Variants in EIF2B3 observed in about 807,000 individuals in gnomAD.
EIF2B3 encodes the protein eukaryotic translation initiation factor 2B subunit gamma, also known as translation initiation factor eIF2B subunit gamma.
In EIF2B3, 20 loss-of-function variants were observed where a neutral mutation model predicts 54.1. That is an observed-to-expected ratio of 0.37 (90% CI 0.26 to 0.54). The LOEUF is 0.54. EIF2B3 is among the 20% of genes least tolerant of loss of function. The pLI is 0.86. For synonymous variants in EIF2B3, 153 were observed against 188.1 expected (o/e 0.81, Z 1.52); for missense variants, 448 against 547.8 (o/e 0.82, Z 1.82).
At chr1:44,970,710 C>A (rs560129381) in intron 3 of EIF2B3, among the ~76,000 whole-genome samples, 1 of 152,292 alleles carries the variant, frequency 6.6e-6, no homozygotes, top group African/African-American at 2.4e-5. Context: ...TTCCACTGCC[C>A]TTTCTACAAG....
intron 3 of EIF2B3, among the ~76,000 whole-genome samples, chr1:44,953,861 G>A (rs912673419): frequency 1.3e-5 from 2 of 152,162 alleles, no homozygotes; most frequent in African/African-American, 4.8e-5. Context: ...AAATGGAAAT[G>A]AGCATAATTC....
chr1:44,979,116 G>C (rs1160044611), intron 2 of EIF2B3, among the ~76,000 whole-genome samples: 1 of 150,960 alleles, frequency 6.6e-6, no homozygotes, highest in Admixed American at 6.6e-5. Flanking sequence ...GCAAAACCTT[G>C]TCTCTATAAA....
At chr1:44,930,680 G>A (rs997696270) in intron 4 of EIF2B3, among the ~76,000 whole-genome samples, 6 of 152,026 alleles carry the variant, frequency 3.9e-5, no homozygotes, top group South Asian at 2.1e-4. Flanking sequence ...TTGCTCTGTC[G>A]CCCAGGCTGG....
intron 3 of EIF2B3, among the ~76,000 whole-genome samples, chr1:44,970,496 C>T (rs1557710667): frequency 1.3e-5 from 2 of 152,082 alleles, no homozygotes; most frequent in Non-Finnish European, 2.9e-5. Context: ...TTATTGGAAA[C>T]AGACCAAAAG....
At chr1:44,917,955 A>G (rs992145781) in intron 5 of EIF2B3, among the ~76,000 whole-genome samples, 16 of 148,372 alleles carry the variant, frequency 1.1e-4, no homozygotes, top group Non-Finnish European at 2.4e-4. Context: ...TTGTATTTTT[A>G]GTAGAGACGG....
intron 10 of EIF2B3, among the ~76,000 whole-genome samples, chr1:44,873,646 TA>T (rs1422083098): frequency 6.6e-6 from 1 of 151,954 alleles, no homozygotes; most frequent in Non-Finnish European, 1.5e-5. Flanking sequence ...TTTATTTATT[TA>T]TTTTTTTTTT....
chr1:44,972,076 C>T (rs1269749453), intron 3 of EIF2B3, among the ~76,000 whole-genome samples: 5 of 151,522 alleles, frequency 3.3e-5, no homozygotes, highest in Non-Finnish European at 7.4e-5. Flanking sequence ...AAAATAAATA[C>T]TGGGAAGGAT....
At position 44,897,351 on chromosome 1, in the gene EIF2B3, T is replaced by C. The variant is rs1275708808; in HGVS notation, c.656+4A>G. ...AGGTTTGACTCTACCACCCTTTTTCTTACCCATTTTCCATTAGGAAATCCA... is the reference window on the plus strand; with the variant it reads ...AGGTTTGACTCTACCACCCTTTTTCCTACCCATTTTCCATTAGGAAATCCA... On this transcript the variant is annotated splice_donor_region_variant and intron_variant, in intron 6 of 11. Transcript: ENST00000360403. 2.5e-6 allele frequency: 4 copies of C among 1,610,492 alleles called. No individual in the cohort carries two copies. In the African/African-American group the frequency reaches 4.0e-5, roughly 16 times the overall value.
chr1:44,963,221 AAAAC>A (rs952020050), intron 3 of EIF2B3, among the ~76,000 whole-genome samples: 19 of 151,678 alleles, frequency 1.3e-4, no homozygotes, highest in African/African-American at 4.4e-4. Flanking sequence ...TCAAAAAACA[AAAAC>A]AAAAACAAAA....
At chr1:44,917,026 T>C (rs1055864474) in intron 5 of EIF2B3, among the ~76,000 whole-genome samples, 4 of 152,216 alleles carry the variant, frequency 2.6e-5, no homozygotes, top group Admixed American at 2.0e-4. Context: ...CGGGACATTG[T>C]TCCTCTTGTA....
chr1:44,913,059 T>C (rs1292418824), intron 5 of EIF2B3, among the ~76,000 whole-genome samples: 1 of 148,732 alleles, frequency 6.7e-6, no homozygotes, highest in Non-Finnish European at 1.5e-5. Flanking sequence ...CTGTGGCAGT[T>C]CGTAATTCTA....
chr1:44,920,159 T>C (rs986895856), intron 5 of EIF2B3, among the ~76,000 whole-genome samples: 1 of 151,896 alleles, frequency 6.6e-6, no homozygotes, highest in African/African-American at 2.4e-5. Flanking sequence ...TTTTCTTATA[T>C]CCTGTGTCTT....
intron 6 of EIF2B3, among the ~76,000 whole-genome samples, chr1:44,891,054 T>C (rs1655781706): frequency 6.6e-6 from 1 of 152,112 alleles, no homozygotes; most frequent in Non-Finnish European, 1.5e-5. Context: ...ATCCACAAAA[T>C]CTATCCTTCA....
chr1:44,939,528 C>T (rs1057121964), intron 4 of EIF2B3, among the ~76,000 whole-genome samples: 1 of 152,054 alleles, frequency 6.6e-6, no homozygotes, highest in Non-Finnish European at 1.5e-5. Context: ...AATGTTCTCA[C>T]CATGAAAAAT....
At chr1:44,942,411 ATATATATTTTTTT>A (rs1317869397) in intron 3 of EIF2B3, among the ~76,000 whole-genome samples, 1 of 12,970 alleles carries the variant, frequency 7.7e-5, no homozygotes, top group Non-Finnish European at 1.2e-4. Context: ...ATATATATAT[ATATATATTTTTTT>A]TTTTTTTTTT....
intron 5 of EIF2B3, among the ~76,000 whole-genome samples, chr1:44,911,638 T>G (rs1417992725): frequency 6.6e-6 from 1 of 152,208 alleles, no homozygotes; most frequent in African/African-American, 2.4e-5. Flanking sequence ...GAAAACAACC[T>G]CCACCCACCC....
chr1:44,972,250 A>C (rs28780386), intron 3 of EIF2B3, among the ~76,000 whole-genome samples: 1,597 of 86,422 alleles, frequency 0.018, 32 homozygotes, highest in African/African-American at 0.081. Context: ...CACACACACA[A>C]ACACACACAC....
intron 7 of EIF2B3, among the ~76,000 whole-genome samples, chr1:44,880,919 C>A (rs184237724): frequency 3.6e-4 from 54 of 152,012 alleles, no homozygotes; most frequent in Admixed American, 1.2e-3. Flanking sequence ...CGAGATTGCG[C>A]CACTGCCCTC....
At chr1:44,907,831 A>C (rs1480063648) in intron 5 of EIF2B3, among the ~76,000 whole-genome samples, 1 of 140,940 alleles carries the variant, frequency 7.1e-6, no homozygotes, top group Non-Finnish European at 1.5e-5. Flanking sequence ...TGGAGGTTGC[A>C]GTGAGCCGAG....
Sources: allele counts gnomAD v4.1 joint callset (sites outside exome capture counted in the v4.1 genomes callset), GRCh38; gene constraint gnomAD v4.1.1; transcripts MANE v1.5; gene names NCBI Gene and HGNC (gene_info 2026-07-23, HGNC 2026-07-21).